The following RPS6KA2 variants were observed in gnomAD, a reference collection of about 807,000 sequenced individuals.
The protein encoded by RPS6KA2 is ribosomal protein S6 kinase alpha-2.
In RPS6KA2, 42 loss-of-function variants were observed where a neutral mutation model predicts 91.8. The observed-to-expected ratio is 0.46, with a 90% CI of 0.36 to 0.59. The LOEUF is 0.59. Ranked by LOEUF, RPS6KA2 falls within the 20% of genes least tolerant of loss-of-function variation. The pLI is 0.00. For synonymous variants in RPS6KA2, 414 were observed against 393.6 expected (o/e 1.05, Z -0.61); for missense variants, 798 against 978.5 (o/e 0.82, Z 2.46).
chr6:166,779,818 G>A (rs923685273), intron 2 of RPS6KA2, among the ~76,000 whole-genome samples: 1 of 152,142 alleles, frequency 6.6e-6, no homozygotes, highest in Non-Finnish European at 1.5e-5. Context: ...GAGAAATAAC[G>A]GCAAGGCTGG....
chr6:166,424,676 G>A (rs1456626778), intron 16 of RPS6KA2, among the ~76,000 whole-genome samples: 15 of 152,170 alleles, frequency 9.9e-5, no homozygotes, highest in Non-Finnish European at 2.2e-4. Context: ...GTGATCTAGG[G>A]TTAGGGAGTC....
At chr6:166,704,643 G>A (rs937323416) in intron 2 of RPS6KA2, among the ~76,000 whole-genome samples, 13 of 152,220 alleles carry the variant, frequency 8.5e-5, no homozygotes, top group African/African-American at 2.7e-4. Context: ...ATGTGTTTGG[G>A]TTTGAAAGTG....
At chr6:166,507,753 G>A (rs1252537946) in intron 5 of RPS6KA2, among the ~76,000 whole-genome samples, 1 of 144,714 alleles carries the variant, frequency 6.9e-6, no homozygotes, top group East Asian at 2.1e-4. Context: ...CAAATCACAC[G>A]CCTGACATAT....
chr6:166,643,725 C>A (rs578068048), intron 2 of RPS6KA2, among the ~76,000 whole-genome samples: 14 of 152,320 alleles, frequency 9.2e-5, no homozygotes, highest in African/African-American at 3.4e-4. Context: ...ATACTGAATC[C>A]TCCTAAAGTT....
At chr6:166,568,075 T>C (rs1471977750) in intron 1 of RPS6KA2, among the ~76,000 whole-genome samples, 1 of 152,150 alleles carries the variant, frequency 6.6e-6, no homozygotes, top group African/African-American at 2.4e-5. Context: ...CCCTTGGACA[T>C]CCTGCTCTCG....
At chr6:166,526,954 G>C (rs1269388863) in intron 3 of RPS6KA2, among the ~76,000 whole-genome samples, 2 of 152,238 alleles carry the variant, frequency 1.3e-5, no homozygotes, top group South Asian at 4.1e-4. Flanking sequence ...TGTACACAGA[G>C]TTTTATGTCC....
chr6:166,779,215 G>A (rs1234030816), intron 2 of RPS6KA2, among the ~76,000 whole-genome samples: 1 of 152,164 alleles, frequency 6.6e-6, no homozygotes, highest in Non-Finnish European at 1.5e-5. Context: ...CCTCAGGATG[G>A]TGCAACAGAG....
Position 166,538,679 on chromosome 6 carries a change from A to G in RPS6KA2, c.205T>C (p.Ser69Pro). 1 of 1,592,602 alleles carries G rather than the reference A, an allele frequency of 6.3e-7. No homozygotes were observed. Among genetic ancestry groups the G allele is most frequent in the Non-Finnish European group, 8.6e-7 (1 of 1,160,610 alleles). Residue 69 changes from serine to proline, a missense_variant, in exon 2 of 21, where the codon TCC (serine) becomes CCC (proline). Ser to Pro is a moderately conservative substitution (Grantham distance 74). Coordinates refer to ENST00000265678, the MANE Select transcript of RPS6KA2 (RefSeq NM_021135.6). ...AGGGCTGAACTTACCTTTCCATAGG[A>G]TCCTTGTCCTAAAACCTTCAGCAGC... ...FELLKVLGQGSYGKVFLVRKV... is the reference protein window; with the variant it reads ...FELLKVLGQGPYGKVFLVRKV...
At chr6:166,803,104 A>G (rs1413383972) in intron 2 of RPS6KA2, among the ~76,000 whole-genome samples, 1 of 152,192 alleles carries the variant, frequency 6.6e-6, no homozygotes, top group Non-Finnish European at 1.5e-5. Flanking sequence ...ACTAATTGGA[A>G]TCTAAGAAAA....
At chr6:166,472,219 A>G (rs758774121) in intron 10 of RPS6KA2, among the ~76,000 whole-genome samples, 1 of 152,214 alleles carries the variant, frequency 6.6e-6, no homozygotes, top group Non-Finnish European at 1.5e-5. Context: ...GTACACGCAC[A>G]GGTGTGGCAA....
chr6:166,678,088 T>C (rs765168837), intron 2 of RPS6KA2, among the ~76,000 whole-genome samples: 8 of 152,190 alleles, frequency 5.3e-5, no homozygotes, highest in Non-Finnish European at 1.2e-4. Flanking sequence ...GTTTCCGGTA[T>C]GGATCCACAC....
chr6:166,715,322 G>C (rs1032320028), intron 2 of RPS6KA2, among the ~76,000 whole-genome samples: 5 of 152,206 alleles, frequency 3.3e-5, no homozygotes, highest in Admixed American at 2.0e-4. Context: ...CCTTCTCCCT[G>C]CATGGGGCAC....
intron 1 of RPS6KA2, among the ~76,000 whole-genome samples, chr6:166,545,529 G>A (rs918584784): frequency 2.0e-5 from 3 of 152,192 alleles, no homozygotes; most frequent in African/African-American, 7.2e-5. Context: ...TGGGAAGAAA[G>A]GAGGAGAAGC....
At chr6:166,748,250 G>A (rs537303738) in intron 2 of RPS6KA2, among the ~76,000 whole-genome samples, 3 of 152,250 alleles carry the variant, frequency 2.0e-5, no homozygotes, top group East Asian at 3.9e-4. Flanking sequence ...AGGGCAGCCC[G>A]GGAGGGAGTG....
chr6:166,546,975 G>T (rs1414312206), intron 1 of RPS6KA2, among the ~76,000 whole-genome samples: 2 of 152,104 alleles, frequency 1.3e-5, no homozygotes, highest in South Asian at 2.1e-4. Flanking sequence ...TTGAGACAGG[G>T]TCTTACTTTG....
chr6:166,512,930 T>C (rs2128483884), intron 3 of RPS6KA2, among the ~76,000 whole-genome samples: 1 of 152,224 alleles, frequency 6.6e-6, no homozygotes, highest in African/African-American at 2.4e-5. Context: ...GCTCTGCCCA[T>C]CCCTCTTCTA....
chr6:166,824,640 T>C (rs1186977801), intron 2 of RPS6KA2, among the ~76,000 whole-genome samples: 1 of 71,970 alleles, frequency 1.4e-5, no homozygotes, highest in East Asian at 2.1e-3. Flanking sequence ...TGGGTGTCTG[T>C]ATGTCTGTGT....
intron 1 of RPS6KA2, among the ~76,000 whole-genome samples, chr6:166,553,372 C>T (rs1470243975): frequency 6.6e-6 from 1 of 152,116 alleles, no homozygotes; most frequent in African/African-American, 2.4e-5. Flanking sequence ...AGTCTGCCCA[C>T]CACGGACTCC....
chr6:166,669,179 C>G (rs1206809793), intron 2 of RPS6KA2, among the ~76,000 whole-genome samples: 3 of 152,114 alleles, frequency 2.0e-5, no homozygotes, highest in African/African-American at 7.2e-5. Context: ...CAGGCATGAG[C>G]CCCCGTGCCT....
Sources: gnomAD v4.1 joint callset for allele counts (sites outside exome capture counted in the v4.1 genomes callset) on GRCh38, gnomAD v4.1.1 for gene constraint, MANE v1.5 for transcripts, NCBI Gene and HGNC (gene_info 2026-07-23, HGNC 2026-07-21) for gene names.